HEMK2: variants seen among roughly 807,000 people sequenced by gnomAD.
HEMK2 encodes the protein HemK methyltransferase 2, ETF1 glutamine and histone H4 lysine, also known as methyltransferase HEMK2.
At chr21:28,662,836 T>C in the HEMK2 span, among the ~76,000 whole-genome samples, 1 of 152,268 alleles carries the variant, frequency 6.6e-6, no homozygotes, top group African/African-American at 2.4e-5. Context: ...CCTTTATAAA[T>C]TACCCAGTCT....
chr21:28,725,555 A>G, the HEMK2 span, among the ~76,000 whole-genome samples: 1 of 152,152 alleles, frequency 6.6e-6, no homozygotes, highest in Admixed American at 6.5e-5. Context: ...ACACATCAAC[A>G]GCTTTCCAGG....
At chr21:28,830,174 T>C in the HEMK2 span, among the ~76,000 whole-genome samples, 8 of 152,304 alleles carry the variant, frequency 5.3e-5, no homozygotes, top group South Asian at 1.4e-3. Flanking sequence ...CAGAAAATAT[T>C]TGATATGGTT....
At chr21:28,884,233 T>C in the HEMK2 span, among the ~76,000 whole-genome samples, 168 of 152,358 alleles carry the variant, frequency 1.1e-3, 1 homozygote, top group African/African-American at 3.3e-3. Flanking sequence ...CTTTCTGGGC[T>C]ATCTTGAGAA....
the HEMK2 span, among the ~76,000 whole-genome samples, chr21:28,767,318 T>G: frequency 3.8e-3 from 579 of 151,588 alleles, 5 homozygotes; most frequent in African/African-American, 0.013. Flanking sequence ...GAAAACAGAC[T>G]AATACACCAT....
At chr21:28,735,038 G>A in the HEMK2 span, among the ~76,000 whole-genome samples, 5 of 152,126 alleles carry the variant, frequency 3.3e-5, no homozygotes, top group Non-Finnish European at 7.3e-5. Flanking sequence ...GGGCTCCTCG[G>A]CACTGCTTCA....
the HEMK2 span, among the ~76,000 whole-genome samples, chr21:28,722,596 C>T: frequency 5.9e-5 from 9 of 152,110 alleles, no homozygotes; most frequent in Non-Finnish European, 1.0e-4. Context: ...GAAAGGCATC[C>T]ATAGGCCGGG....
chr21:28,862,587 T>C, the HEMK2 span, among the ~76,000 whole-genome samples: 16 of 120,862 alleles, frequency 1.3e-4, 2 homozygotes, highest in Non-Finnish European at 1.9e-4. Context: ...TGCAGTGAGC[T>C]GAGATTGCGC....
At chr21:28,690,875 C>T in the HEMK2 span, among the ~76,000 whole-genome samples, 1 of 152,130 alleles carries the variant, frequency 6.6e-6, no homozygotes, top group Non-Finnish European at 1.5e-5. Context: ...AAAAACACAG[C>T]CATTTTAACC....
the HEMK2 span, among the ~76,000 whole-genome samples, chr21:28,657,314 C>T: frequency 6.6e-6 from 1 of 151,998 alleles, no homozygotes; most frequent in Non-Finnish European, 1.5e-5. Flanking sequence ...GAATTATATA[C>T]AAGTTACCTG....
At chr21:28,774,047 G>A in the HEMK2 span, among the ~76,000 whole-genome samples, 1 of 152,058 alleles carries the variant, frequency 6.6e-6, no homozygotes, top group Admixed American at 6.6e-5. Context: ...CAGAGACATG[G>A]GTTTTGGTTC....
the HEMK2 span, among the ~76,000 whole-genome samples, chr21:28,846,802 AG>A: frequency 2.1e-4 from 32 of 152,254 alleles, no homozygotes; most frequent in Non-Finnish European, 4.0e-4. Flanking sequence ...TCTACCCTCA[AG>A]TAAGCTCCAG....
chr21:28,884,634 A>C, the HEMK2 span, among the ~76,000 whole-genome samples: 13 of 152,196 alleles, frequency 8.5e-5, no homozygotes, highest in Non-Finnish European at 1.5e-4. Flanking sequence ...GTAACAATTA[A>C]ATGAAAAATT....
the HEMK2 span, among the ~76,000 whole-genome samples, chr21:28,621,226 A>T: frequency 6.6e-6 from 1 of 151,992 alleles, no homozygotes; most frequent in Non-Finnish European, 1.5e-5. Flanking sequence ...CCCTCTAAAC[A>T]CTGTGTTAGC....
chr21:28,748,820 A>T, the HEMK2 span, among the ~76,000 whole-genome samples: 1 of 152,184 alleles, frequency 6.6e-6, no homozygotes, highest in East Asian at 1.9e-4. Context: ...GAGAATTTCC[A>T]TTTTCTAGTT....
the HEMK2 span, among the ~76,000 whole-genome samples, chr21:28,739,244 A>G: frequency 6.6e-6 from 1 of 152,214 alleles, no homozygotes; most frequent in Non-Finnish European, 1.5e-5. Context: ...TGTTTGGCAC[A>G]GATCAAGAAC....
the HEMK2 span, among the ~76,000 whole-genome samples, chr21:28,774,496 G>A: frequency 6.6e-6 from 1 of 152,140 alleles, no homozygotes; most frequent in South Asian, 2.1e-4. Context: ...GCTAAGGCAG[G>A]TGGATCACTT....
At chr21:28,694,696 T>C in the HEMK2 span, among the ~76,000 whole-genome samples, 1 of 152,162 alleles carries the variant, frequency 6.6e-6, no homozygotes, top group Admixed American at 6.5e-5. Context: ...AGTAATTACT[T>C]TTTCAAGATT....
chr21:28,862,160 G>C, the HEMK2 span, among the ~76,000 whole-genome samples: 1 of 152,302 alleles, frequency 6.6e-6, no homozygotes, highest in South Asian at 2.1e-4. Flanking sequence ...AGATTAATTA[G>C]GGTGTCTCTT....
chr21:28,608,416 C>T, the HEMK2 span, among the ~76,000 whole-genome samples: 1 of 150,718 alleles, frequency 6.6e-6, no homozygotes, highest in African/African-American at 2.4e-5. Flanking sequence ...AAATGCGATA[C>T]CAGAAAAAAT....
Sources: allele counts gnomAD v4.1 joint callset (sites outside exome capture counted in the v4.1 genomes callset), GRCh38; gene constraint gnomAD v4.1.1; transcripts MANE v1.5; gene names NCBI Gene and HGNC (gene_info 2026-07-23, HGNC 2026-07-21).